The following ST18 variants were observed in gnomAD, a reference collection of about 807,000 sequenced individuals.
The protein encoded by ST18 is ST18 C2H2C-type zinc finger transcription factor.
Under a neutral mutation model 110.0 loss-of-function variants are expected in ST18, and 50 were observed. That is an observed-to-expected ratio of 0.45 (90% CI 0.36 to 0.58). The LOEUF (loss-of-function observed/expected upper bound fraction) is 0.58, where lower values mean the gene tolerates loss of function less well. Among genes scored for constraint, ST18 ranks in the 20% least tolerant of loss-of-function variants. The probability of loss-of-function intolerance (pLI) is 0.00; values close to 1 mark genes in which losing one functional copy is unlikely to be tolerated. For synonymous variants in ST18, 461 were observed against 452.4 expected, an observed-to-expected ratio of 1.02 and a Z score of -0.24; for missense variants, 1,306 against 1,280.1, an observed-to-expected ratio of 1.02 and a Z score of -0.31.
At chr8:52,281,761 G>T (rs1390499955) in intron 2 of ST18, among the ~76,000 whole-genome samples, 1 of 152,206 alleles carries the variant, frequency 6.6e-6, no homozygotes, top group Non-Finnish European at 1.5e-5. Context: ...GATGGATTTG[G>T]AGACCTTTAT....
intron 2 of ST18, among the ~76,000 whole-genome samples, chr8:52,391,410 TGGAG>T (rs1412468159): frequency 6.6e-6 from 1 of 152,146 alleles, no homozygotes; most frequent in Non-Finnish European, 1.5e-5. Flanking sequence ...AGTGGGCTGA[TGGAG>T]TGCAAACAAA....
At position 52,180,231 on chromosome 8, in the gene ST18, G is replaced by A; in HGVS notation, c.168C>T (p.Ser56=). ...ALGVPVNKRK[S]LLMKPRHYSP... is the part of the protein sequence containing the mutation. ...TGTAGTGTCGGGGCTTCATTAGCAG[G>A]GATTTCCTTTTGTTGACTGGAACCC... Residue 56 remains serine, a synonymous_variant, in exon 9 of 26, where the codon TCC becomes TCT. Transcript: ENST00000689386. 6.2e-7 allele frequency: 1 copy of A among 1,614,142 alleles called. No homozygotes were observed. Among genetic ancestry groups the A allele is most frequent in the Non-Finnish European group, 8.5e-7 (1 of 1,180,024 alleles).
chr8:52,170,867 T>C (rs531507201), intron 10 of ST18, among the ~76,000 whole-genome samples: 74 of 152,296 alleles, frequency 4.9e-4, no homozygotes, highest in Middle Eastern at 3.4e-3. Flanking sequence ...AAATATATAA[T>C]TTGTTTCTGG....
rs149055472 is a variant in ST18 at position 52,254,802 on chromosome 8, A to C, written c.-464-24725T>G. ...TGTGTCCTCCTGCCTCTAGAAGACT[A>C]TCTATAAAAGCCAGGGACCTGGAAA... On this transcript the variant is annotated intron_variant, in intron 2 of 25. Coordinates refer to ENST00000689386, the MANE Select transcript of ST18 (RefSeq NM_001352837.2). 8.5e-5 allele frequency among the ~76,000 whole-genome samples: 13 copies of C among 152,282 alleles called. No homozygotes were observed. In the East Asian group the frequency reaches 2.3e-3, roughly 27 times the overall value.
intron 8 of ST18, among the ~76,000 whole-genome samples, chr8:52,189,972 T>C (rs577478739): frequency 1.3e-5 from 2 of 152,186 alleles, no homozygotes; most frequent in Non-Finnish European, 2.9e-5. Context: ...TGTTACCAGA[T>C]AGTAGATTTA....
intron 2 of ST18, among the ~76,000 whole-genome samples, chr8:52,303,013 T>A (rs926019893): frequency 3.3e-5 from 5 of 152,094 alleles, no homozygotes; most frequent in African/African-American, 1.2e-4. Flanking sequence ...AAAAAAAGAA[T>A]CCTTATTTAT....
chr8:52,304,409 G>T (rs1371233514), intron 2 of ST18, among the ~76,000 whole-genome samples: 2 of 152,148 alleles, frequency 1.3e-5, no homozygotes, highest in African/African-American at 4.8e-5. Flanking sequence ...CAATATCAGA[G>T]AATTAAAGTG....
chr8:52,118,464 A>G, intron 23 of ST18, 23 bp from the exon 24 acceptor site: 1 of 1,419,772 alleles, frequency 7.0e-7, no homozygotes, highest in Non-Finnish European at 9.7e-7. Context: ...AGACTACCTT[A>G]GTTCAAACTG....
At chr8:52,190,977 C>T (rs767301233) in intron 8 of ST18, among the ~76,000 whole-genome samples, 1 of 152,188 alleles carries the variant, frequency 6.6e-6, no homozygotes, top group Non-Finnish European at 1.5e-5. Context: ...GCATCTCACA[C>T]TTCCCACCAC....
intron 2 of ST18, among the ~76,000 whole-genome samples, chr8:52,347,441 T>A (rs1393319041): frequency 6.6e-6 from 1 of 152,184 alleles, no homozygotes; most frequent in East Asian, 1.9e-4. Flanking sequence ...GTTATTGATA[T>A]GGACCAGAAC....
At chr8:52,390,595 G>A (rs1203203924) in intron 2 of ST18, among the ~76,000 whole-genome samples, 1 of 152,156 alleles carries the variant, frequency 6.6e-6, no homozygotes, top group Non-Finnish European at 1.5e-5. Context: ...TGCTTGCATT[G>A]AGCACTGTAT....
intron 2 of ST18, among the ~76,000 whole-genome samples, chr8:52,399,811 T>C (rs1237471641): frequency 1.3e-5 from 2 of 152,062 alleles, no homozygotes; most frequent in African/African-American, 4.8e-5. Context: ...ATAATTTCAA[T>C]CTTCTATGGG....
chr8:52,134,294 G>C (rs1427528751), intron 19 of ST18, among the ~76,000 whole-genome samples: 1 of 152,068 alleles, frequency 6.6e-6, no homozygotes. Context: ...AGATGACAGG[G>C]AATCCAATTT....
At chr8:52,394,034 G>A (rs1364337900) in intron 2 of ST18, among the ~76,000 whole-genome samples, 1 of 152,154 alleles carries the variant, frequency 6.6e-6, no homozygotes, top group Non-Finnish European at 1.5e-5. Flanking sequence ...TCATCTAAGT[G>A]TAATTCTCAT....
intron 11 of ST18, among the ~76,000 whole-genome samples, chr8:52,166,426 A>G (rs1305115162): frequency 1.3e-5 from 2 of 152,154 alleles, no homozygotes; most frequent in African/African-American, 2.4e-5. Context: ...CCAGACAACT[A>G]GGGACAGCCC....
At position 52,193,622 on chromosome 8, in the gene ST18, A is replaced by G. The variant is rs192440080; in HGVS notation, c.87-13310T>C. Among the ~76,000 whole-genome samples the G allele has an allele frequency of 3.9e-5, 6 of 152,340 alleles. No homozygotes were observed. In the East Asian group the frequency reaches 1.2e-3, roughly 29 times the overall value. On this transcript the variant is annotated intron_variant, in intron 8 of 25. Transcript: ENST00000689386. The stretch of plus-strand genomic sequence containing the variant: ...GTGATACACAATCTGTACATGGCTA[A>G]CTGGACTGTATTTTTAGGAAATCAG...
chr8:52,165,654 A>T (rs2062738446), intron 11 of ST18, among the ~76,000 whole-genome samples: 1 of 152,074 alleles, frequency 6.6e-6, no homozygotes, highest in Admixed American at 6.6e-5. Context: ...TTCTTTGTCC[A>T]TCCACCCGCT....
At chr8:52,351,478 C>T (rs911791915) in intron 2 of ST18, among the ~76,000 whole-genome samples, 22 of 152,200 alleles carry the variant, frequency 1.4e-4, no homozygotes, top group Admixed American at 1.4e-3. Context: ...ATGGTTCCTT[C>T]CCCATAGGAG....
At chr8:52,376,014 T>C (rs910349046) in intron 2 of ST18, among the ~76,000 whole-genome samples, 18 of 152,182 alleles carry the variant, frequency 1.2e-4, no homozygotes, top group African/African-American at 4.1e-4. Flanking sequence ...CACATCCAGA[T>C]TCTGGCTGTC....
Sources: gnomAD v4.1 joint callset for allele counts (sites outside exome capture counted in the v4.1 genomes callset) on GRCh38, gnomAD v4.1.1 for gene constraint, MANE v1.5 for transcripts, NCBI Gene and HGNC (gene_info 2026-07-23, HGNC 2026-07-21) for gene names.